PDE7A: variants seen among roughly 807,000 people sequenced by gnomAD.
PDE7A encodes the protein high affinity 3',5'-cyclic-AMP phosphodiesterase 7A.
In PDE7A, 39 loss-of-function variants were observed where a neutral mutation model predicts 64.3. That is an observed-to-expected ratio of 0.61 (90% CI 0.47 to 0.79). The LOEUF (loss-of-function observed/expected upper bound fraction) is 0.79, where lower values mean the gene tolerates loss of function less well. Among genes scored for constraint, PDE7A ranks in the 30% least tolerant of loss-of-function variants. The pLI is 0.00. For missense variants in PDE7A, 470 were observed against 582.8 expected, an observed-to-expected ratio of 0.81 and a Z score of 1.99; for synonymous variants, 203 against 206.8, an observed-to-expected ratio of 0.98 and a Z score of 0.16.
chr8:65,798,291 C>T (rs1315143188), intron 1 of PDE7A, among the ~76,000 whole-genome samples: 1 of 149,388 alleles, frequency 6.7e-6, no homozygotes, highest in Admixed American at 6.7e-5. Flanking sequence ...CTCACTGCAA[C>T]CTCTACCTCT....
chr8:65,719,567 C>CATTA, intron 12 of PDE7A, 72 bp from the exon 13 acceptor site: 1 of 963,986 alleles, frequency 1.0e-6, no homozygotes, highest in Non-Finnish European at 1.6e-6. Flanking sequence ...ATCTATACAA[C>CATTA]ATTAACCTTC....
At chr8:65,759,673 C>G (rs942128797) in intron 3 of PDE7A, among the ~76,000 whole-genome samples, 3 of 152,158 alleles carry the variant, frequency 2.0e-5, no homozygotes, top group African/African-American at 7.2e-5. Flanking sequence ...GAGGTTCTTA[C>G]TCTGTCATTT....
intron 6 of PDE7A, among the ~76,000 whole-genome samples, chr8:65,736,675 G>A (rs550836344): frequency 3.9e-5 from 6 of 151,946 alleles, no homozygotes; most frequent in South Asian, 2.1e-4. Flanking sequence ...CGCATGAGCC[G>A]AGAGGTTGAG....
At chr8:65,734,472 A>C (rs1331912623) in intron 7 of PDE7A, among the ~76,000 whole-genome samples, 2 of 152,160 alleles carry the variant, frequency 1.3e-5, no homozygotes, top group African/African-American at 4.8e-5. Flanking sequence ...GTAGCTCCTC[A>C]TTCATTCACT....
intron 1 of PDE7A, among the ~76,000 whole-genome samples, chr8:65,803,903 C>A (rs978812258): frequency 6.6e-6 from 1 of 152,186 alleles, no homozygotes; most frequent in Non-Finnish European, 1.5e-5. Context: ...AACAAACCAG[C>A]AGAGGCAAGG....
chr8:65,721,630 G>A (rs1196217533), intron 12 of PDE7A, among the ~76,000 whole-genome samples: 1 of 152,078 alleles, frequency 6.6e-6, no homozygotes, highest in African/African-American at 2.4e-5. Flanking sequence ...AACAGTGAAA[G>A]GGATCTAGCT....
chr8:65,734,748 G>C (rs778819449), intron 7 of PDE7A, 46 bp downstream of exon 7: 1 of 1,068,214 alleles, frequency 9.4e-7, no homozygotes, highest in African/African-American at 1.6e-5. Flanking sequence ...TAAATCAAAA[G>C]GAATTTTCTT....
At chr8:65,779,178 G>GA (rs1232718677) in intron 3 of PDE7A, among the ~76,000 whole-genome samples, 1 of 152,172 alleles carries the variant, frequency 6.6e-6, no homozygotes, top group African/African-American at 2.4e-5. Flanking sequence ...ACTGAAAGTG[G>GA]AACTCCTCCA....
chr8:65,787,472 T>A (rs2128925189), intron 1 of PDE7A, among the ~76,000 whole-genome samples: 1 of 152,324 alleles, frequency 6.6e-6, no homozygotes, highest in East Asian at 1.9e-4. Flanking sequence ...TTCAGAGTAG[T>A]CATCTTACAT....
At chr8:65,778,352 G>A (rs1232337009) in intron 3 of PDE7A, among the ~76,000 whole-genome samples, 1 of 152,058 alleles carries the variant, frequency 6.6e-6, no homozygotes, top group Non-Finnish European at 1.5e-5. Flanking sequence ...AAAAATGTTG[G>A]CACCACACCT....
chr8:65,792,782 A>G (rs868602723), intron 1 of PDE7A, among the ~76,000 whole-genome samples: 12 of 152,314 alleles, frequency 7.9e-5, no homozygotes, highest in Non-Finnish European at 1.3e-4. Context: ...CTAAAAACCA[A>G]GGCTTATTAT....
intron 7 of PDE7A, among the ~76,000 whole-genome samples, chr8:65,733,035 A>C (rs1273446459): frequency 6.6e-6 from 1 of 152,162 alleles, no homozygotes; most frequent in Non-Finnish European, 1.5e-5. Flanking sequence ...TAAAATGTTC[A>C]CTATGATAAG....
At chr8:65,756,813 A>AT (rs1002267980) in intron 3 of PDE7A, among the ~76,000 whole-genome samples, 2 of 150,290 alleles carry the variant, frequency 1.3e-5, no homozygotes, top group African/African-American at 4.9e-5. Flanking sequence ...TATGTTTTGT[A>AT]TTTTTTTGTT....
chr8:65,766,070 C>T (rs1052190187), intron 3 of PDE7A, among the ~76,000 whole-genome samples: 9 of 152,142 alleles, frequency 5.9e-5, no homozygotes, highest in African/African-American at 9.7e-5. Flanking sequence ...CTCAGCCTCC[C>T]GAGCAGCTGG....
At chr8:65,813,998 C>T (rs1173956826) in intron 1 of PDE7A, among the ~76,000 whole-genome samples, 1 of 152,072 alleles carries the variant, frequency 6.6e-6, no homozygotes, top group Non-Finnish European at 1.5e-5. Context: ...ATTAAAATTG[C>T]TAATAAATGG....
Position 65,734,851 on chromosome 8 carries a change from G to T in PDE7A, c.639C>A (p.Asn213Lys). The change falls in exon 7 of 13, where the codon AAC becomes AAA. Residue 213 changes from asparagine to lysine, a missense_variant. By Grantham distance (94) the Asn-to-Lys change is moderately conservative. Coordinates refer to ENST00000401827, the MANE Select transcript of PDE7A (RefSeq NM_001242318.3). ...EDYHSQNPYH[N>K]AVHAADVTQA... is the part of the protein sequence containing the mutation. ...GAGTAACATCCGCAGCGTGGACTGC[G>T]TTATGGTAAGGATTTTGACTGTGGT... 6.2e-7 allele frequency: 1 copy of T among 1,612,470 alleles called. No homozygotes were observed. Among genetic ancestry groups the T allele is most frequent in the Non-Finnish European group, 8.5e-7 (1 of 1,178,542 alleles).
chr8:65,725,090 A>G (rs758603081), intron 9 of PDE7A, among the ~76,000 whole-genome samples, 169 bp from the exon 10 acceptor site: 4 of 152,184 alleles, frequency 2.6e-5, no homozygotes, highest in Non-Finnish European at 4.4e-5. Context: ...AATGCTTCAA[A>G]AAAAGCCATT....
chr8:65,810,261 A>T (rs1810223641), intron 1 of PDE7A, among the ~76,000 whole-genome samples: 1 of 148,800 alleles, frequency 6.7e-6, no homozygotes, highest in African/African-American at 2.5e-5. Context: ...AAAACCAAAC[A>T]CCGCATGTTC....
At chr8:65,769,461 A>T (rs1041985959) in intron 3 of PDE7A, among the ~76,000 whole-genome samples, 2 of 152,226 alleles carry the variant, frequency 1.3e-5, no homozygotes, top group African/African-American at 4.8e-5. Flanking sequence ...TCTTGGCTAG[A>T]AGAATTCGTA....
Sources: allele counts gnomAD v4.1 joint callset (sites outside exome capture counted in the v4.1 genomes callset), GRCh38; gene constraint gnomAD v4.1.1; transcripts MANE v1.5; gene names NCBI Gene and HGNC (gene_info 2026-07-23, HGNC 2026-07-21).